PRKD2: variants seen among roughly 807,000 people sequenced by gnomAD.
The protein encoded by PRKD2 is serine/threonine-protein kinase D2.
In PRKD2, 22 loss-of-function variants were observed where a neutral mutation model predicts 86.0. That is an observed-to-expected ratio of 0.26 (90% CI 0.18 to 0.37). The LOEUF (loss-of-function observed/expected upper bound fraction) is 0.37. Ranked by LOEUF, PRKD2 falls within the 10% of genes least tolerant of loss-of-function variation. The pLI is 1.00. For synonymous variants in PRKD2, 509 were observed against 510.9 expected, an observed-to-expected ratio of 1.00 and a Z score of 0.05; for missense variants, 818 against 1,199.2, an observed-to-expected ratio of 0.68 and a Z score of 4.70.
intron 5 of PRKD2, among the ~76,000 whole-genome samples, 195 bp downstream of exon 5, chr19:46,703,961 ACACACACACACAC>A (rs1243316673): frequency 1.1e-5 from 1 of 95,108 alleles, no homozygotes; most frequent in African/African-American, 5.1e-5. Flanking sequence ...CAACAACAAC[ACACACACACACAC>A]ACACACACAC....
rs774438856 is a variant in PRKD2, at chr19:46,716,307, G to A, written c.64C>T (p.Pro22Ser). 1.3e-6 allele frequency: 2 copies of A among 1,525,634 alleles called. No individual in the cohort carries two copies. The highest frequency in any genetic ancestry group is 1.4e-5 in the African/African-American group (1 of 69,576). 94.5% of individuals were successfully genotyped at this position (1,525,634 alleles called of 1,614,324 possible). ...GACTGCAGCTCTAGGCCGCCGGGGG[G>A]CGGAGGAGACCCCGGCCCGGGAGAG... ...PGSPGPGSPP[P>S]PGGLELQSPP... The change falls in exon 1 of 18, where the codon CCC (proline) becomes TCC (serine). Residue 22 changes from proline (P) to serine (S), a missense_variant. By Grantham distance (74) the Pro-to-Ser change is moderately conservative. Coordinates refer to ENST00000291281, the MANE Select transcript of PRKD2 (RefSeq NM_016457.5). This position sits in a 1 kb window ranked among gnomAD's most constrained non-coding sequence, Gnocchi z 7.9.
At chr19:46,712,907 G>A (rs2053828659) in intron 2 of PRKD2, among the ~76,000 whole-genome samples, 1 of 152,190 alleles carries the variant, frequency 6.6e-6, no homozygotes, top group African/African-American at 2.4e-5. Context: ...TCACCTGGGG[G>A]CTTTTAAAAA....
chr19:46,692,011 G>A (rs1323631146), intron 10 of PRKD2, 26 bp from the exon 11 acceptor site: 4 of 1,607,624 alleles, frequency 2.5e-6, no homozygotes, highest in Non-Finnish European at 3.4e-6. Context: ...AGACAGAGGT[G>A]AGGGGACTCC....
At chr19:46,712,356 C>A (rs1343240008) in intron 2 of PRKD2, among the ~76,000 whole-genome samples, 1 of 151,982 alleles carries the variant, frequency 6.6e-6, no homozygotes, top group African/African-American at 2.4e-5. Flanking sequence ...GCCTGGCCAA[C>A]AAGGTGAAAT....
intron 15 of PRKD2, among the ~76,000 whole-genome samples, chr19:46,679,278 C>T (rs1160981139): frequency 1.3e-5 from 2 of 152,032 alleles, no homozygotes; most frequent in Non-Finnish European, 2.9e-5. Flanking sequence ...TGCAGTGAGC[C>T]GAGATCGCAC....
intron 10 of PRKD2, 122 bp from the exon 11 acceptor site, chr19:46,692,107 G>A (rs1568723725): frequency 1.1e-6 from 1 of 939,014 alleles, no homozygotes. Context: ...TCGATACAAT[G>A]TGCAACTTCA....
At chr19:46,714,166 G>A (rs1002354283) in intron 1 of PRKD2, 165 bp from the exon 2 acceptor site, 8 of 1,335,838 alleles carry the variant, frequency 6.0e-6, no homozygotes, top group African/African-American at 1.5e-5. Flanking sequence ...AGCGCGAGCC[G>A]GGCAGGATGC....
At chr19:46,685,043 G>A (rs528601561) in intron 14 of PRKD2, among the ~76,000 whole-genome samples, 5 of 151,524 alleles carry the variant, frequency 3.3e-5, no homozygotes, top group Admixed American at 6.6e-5. Flanking sequence ...GGTGGATCAC[G>A]AGGTCAGAAG....
In PRKD2 at chr19:46,693,882, C is replaced by T. The variant is rs142760319; in HGVS notation, c.1569G>A (p.Ala523=). The change falls in exon 10 of 18, where the codon GCG becomes GCA. Residue 523 remains alanine, a synonymous_variant. Transcript: ENST00000291281. This position sits in a 1 kb window ranked among gnomAD's most constrained non-coding sequence, Gnocchi z 4.5. ...LQDAPSAPGH[A]PHRQASLSIS... Reference sequence around the variant, plus strand: ...CGAGGTGGGAGGACTTACTGTGGGGCGCGTGGCCTGGGGCGCTGGGTGCGT... The same window carrying T: ...CGAGGTGGGAGGACTTACTGTGGGGTGCGTGGCCTGGGGCGCTGGGTGCGT... 15 of 1,596,030 alleles carry T rather than the reference C, an allele frequency of 9.4e-6. No individual in the cohort carries two copies. In the African/African-American group the frequency reaches 1.3e-4, roughly 14 times the overall value.
chr19:46,676,067 A>T (rs774890580), intron 16 of PRKD2, among the ~76,000 whole-genome samples: 22 of 152,160 alleles, frequency 1.4e-4, no homozygotes, highest in Non-Finnish European at 2.8e-4. Flanking sequence ...CCAACTTATG[A>T]TATTTTCAAT....
rs1478023516 is a variant in PRKD2, at chr19:46,678,723, CCCCACCACACCA to C, written c.2071-72_2071-61del. The stretch of plus-strand genomic sequence containing the variant: ...GATGGAGCCGCACCCACCCCAGCAT[CCCCACCACACCA>C]CCCTCCATGGTATTCCAGAGAAAGC... On this transcript the variant is annotated intron_variant, in intron 15 of 17. Transcript: ENST00000291281. The surrounding 1 kb of genome is among the most constrained non-coding windows in gnomAD (Gnocchi z 5.7). 3.3e-6 allele frequency: 5 copies of C among 1,523,796 alleles called. No individual in the cohort carries two copies. Among genetic ancestry groups the C allele is most frequent in the Non-Finnish European group, 4.4e-6 (5 of 1,128,170 alleles). The allele number at this position is 1,523,796 out of a possible 1,614,324, so 94.4% of individuals were successfully genotyped here. A position where few individuals can be genotyped will look rare whatever the true frequency, so the allele number is the denominator to read the frequency against.
intron 5 of PRKD2, among the ~76,000 whole-genome samples, chr19:46,703,403 G>A (rs2053661548): frequency 6.6e-6 from 1 of 152,124 alleles, no homozygotes; most frequent in Non-Finnish European, 1.5e-5. Context: ...GAGGTAGGAG[G>A]ATTGCTTGAG....
chr19:46,674,995 C>A (rs777192919), intron 17 of PRKD2, 38 bp downstream of exon 17: 1 of 1,545,848 alleles, frequency 6.5e-7, no homozygotes, highest in African/African-American at 1.4e-5. Flanking sequence ...CCCCTTCCTC[C>A]AATCCAGCCA....
chr19:46,706,106 C>A (rs917158138), intron 3 of PRKD2, among the ~76,000 whole-genome samples: 3 of 152,100 alleles, frequency 2.0e-5, no homozygotes, highest in Non-Finnish European at 4.4e-5. Flanking sequence ...CTCAAGTGAT[C>A]CTCCCACCTC....
At chr19:46,686,817 G>A (rs1033505306) in intron 14 of PRKD2, among the ~76,000 whole-genome samples, 13 of 151,938 alleles carry the variant, frequency 8.6e-5, no homozygotes, top group Non-Finnish European at 5.9e-5. Flanking sequence ...CGGGCGTGGT[G>A]GTGGGCACCT....
intron 3 of PRKD2, among the ~76,000 whole-genome samples, chr19:46,706,038 A>AT (rs1194439114): frequency 6.6e-6 from 1 of 151,754 alleles, no homozygotes; most frequent in Non-Finnish European, 1.5e-5. Context: ...TTTTATTTTT[A>AT]TTTTTTTGTA....
intron 14 of PRKD2, chr19:46,689,169 T>A (rs1431323899): frequency 6.8e-6 from 1 of 147,456 alleles, no homozygotes; most frequent in Non-Finnish European, 1.5e-5. Context: ...TCGCCCAGGC[T>A]GGAGTGCAGT....
At chr19:46,680,948 T>TATATATATATATATATATATATATA (rs55813443) in intron 15 of PRKD2, among the ~76,000 whole-genome samples, 11 of 26,490 alleles carry the variant, frequency 4.2e-4, no homozygotes, top group South Asian at 2.5e-3. Flanking sequence ...ATATATATAT[T>TATATATATATATATATATATATATA]TTTTTTTTTT....
At chr19:46,704,079 G>A in intron 5 of PRKD2, 90 bp downstream of exon 5, 1 of 1,555,190 alleles carries the variant, frequency 6.4e-7, no homozygotes, top group Non-Finnish European at 8.7e-7. Flanking sequence ...GGGGTCCCAA[G>A]GCTCAGATCC....
Sources: gnomAD v4.1 joint callset for allele counts (sites outside exome capture counted in the v4.1 genomes callset) on GRCh38, gnomAD v4.1.1 for gene constraint, Gnocchi (gnomAD v3.1) non-coding constraint, MANE v1.5 for transcripts, NCBI Gene and HGNC (gene_info 2026-07-23, HGNC 2026-07-21) for gene names.